Variants in SLC35F3 observed in about 807,000 individuals in gnomAD.
SLC35F3 encodes putative thiamine transporter SLC35F3.
In SLC35F3, 25 loss-of-function variants were observed where a neutral mutation model predicts 49.9. That is an observed-to-expected ratio of 0.50 (90% CI 0.37 to 0.70). The LOEUF (loss-of-function observed/expected upper bound fraction) is 0.70. SLC35F3 is among the 30% of genes least tolerant of loss of function. The probability of loss-of-function intolerance (pLI) is 0.00; values close to 1 mark genes in which losing one functional copy is unlikely to be tolerated. For missense variants in SLC35F3, 525 were observed against 639.8 expected, an observed-to-expected ratio of 0.82 and a Z score of 1.94; for synonymous variants, 275 against 265.4, an observed-to-expected ratio of 1.04 and a Z score of -0.35.
intron 2 of SLC35F3, among the ~76,000 whole-genome samples, chr1:233,916,341 C>T (rs1334382044): frequency 2.0e-5 from 3 of 152,218 alleles, no homozygotes; most frequent in Non-Finnish European, 4.4e-5. Context: ...AATCATCGCT[C>T]ACTGCAGCCT....
intron 2 of SLC35F3, among the ~76,000 whole-genome samples, chr1:233,979,935 G>A (rs1002943310): frequency 2.6e-5 from 4 of 152,190 alleles, no homozygotes; most frequent in African/African-American, 9.7e-5. Context: ...TGAGGCTGAG[G>A]TGGGTTTGGG....
intron 2 of SLC35F3, among the ~76,000 whole-genome samples, chr1:234,224,313 C>T (rs1667255155): frequency 6.6e-6 from 1 of 152,200 alleles, no homozygotes; most frequent in African/African-American, 2.4e-5. Context: ...GCAATCCACC[C>T]ATCTCGGCCT....
intron 2 of SLC35F3, among the ~76,000 whole-genome samples, chr1:234,225,459 G>A (rs1667272301): frequency 2.0e-5 from 3 of 152,144 alleles, no homozygotes; most frequent in Admixed American, 2.0e-4. Context: ...AGGAAAAAGG[G>A]GCAGGAGTTG....
intron 2 of SLC35F3, among the ~76,000 whole-genome samples, chr1:233,918,024 G>GA (rs55695301): frequency 0.93 from 141,549 of 152,258 alleles, 66,643 homozygotes; most frequent in East Asian, 1. Flanking sequence ...AAAATGCAGG[G>GA]AAGTTTGGGT....
At chr1:234,022,947 G>A (rs1663920214) in intron 2 of SLC35F3, among the ~76,000 whole-genome samples, 1 of 152,142 alleles carries the variant, frequency 6.6e-6, no homozygotes, top group Non-Finnish European at 1.5e-5. Flanking sequence ...TATTAGAGGT[G>A]TCAAACAAAT....
At chr1:233,916,823 C>A (rs1373638758) in intron 2 of SLC35F3, among the ~76,000 whole-genome samples, 1 of 152,160 alleles carries the variant, frequency 6.6e-6, no homozygotes, top group Non-Finnish European at 1.5e-5. Context: ...ATGGACGAGG[C>A]CGAGGCTTCA....
At chr1:234,042,142 A>C (rs1664230571) in intron 2 of SLC35F3, among the ~76,000 whole-genome samples, 1 of 152,166 alleles carries the variant, frequency 6.6e-6, no homozygotes, top group South Asian at 2.1e-4. Context: ...CTCTCCAGCA[A>C]ACAGCTGCCA....
In SLC35F3 at chr1:233,950,893, C is replaced by CT. The variant is rs1380443772; in HGVS notation, c.283+45138dup. Reference sequence around the variant, plus strand: ...TCCCTGCAATATCCCCAGTGTCTGACTTTAAGGTTTGACTGAACAAACCTT... The same window carrying CT: ...TCCCTGCAATATCCCCAGTGTCTGACTTTTAAGGTTTGACTGAACAAACCTT... On this transcript the variant is annotated intron_variant, in intron 2 of 7. Coordinates refer to ENST00000366618, the MANE Select transcript of SLC35F3 (RefSeq NM_173508.4). 3.9e-5 allele frequency among the ~76,000 whole-genome samples: 6 copies of CT among 152,144 alleles called. No individual in the cohort carries two copies. The East Asian group carries it at 1.2e-3, about 29-fold the overall frequency.
rs567779797 is a variant in SLC35F3, at chr1:234,052,616, G to GT, written c.283+146865dup. 2.3e-3 allele frequency among the ~76,000 whole-genome samples: 349 copies of GT among 151,976 alleles called. 3 individuals carry two copies. The highest frequency in any genetic ancestry group is 7.9e-3 in the African/African-American group (327 of 41,450). On this transcript the variant is annotated intron_variant, in intron 2 of 7. Coordinates refer to ENST00000366618, the MANE Select transcript of SLC35F3 (RefSeq NM_173508.4). The stretch of plus-strand genomic sequence containing the variant: ...CCTGGATTCATTGATTTTTTTGAAG[G>GT]TTTTTTTGTGTCTCTATTTTCTTCA...
chr1:234,296,558 T>C (rs908624034), intron 3 of SLC35F3, among the ~76,000 whole-genome samples: 1 of 152,246 alleles, frequency 6.6e-6, no homozygotes, highest in East Asian at 1.9e-4. Flanking sequence ...AAATGGAGGC[T>C]GTCAGTCATC....
chr1:234,184,092 T>C (rs1295983306), intron 2 of SLC35F3, among the ~76,000 whole-genome samples: 1 of 152,140 alleles, frequency 6.6e-6, no homozygotes, highest in Non-Finnish European at 1.5e-5. Flanking sequence ...TTAAGGATAT[T>C]GTTCTTTGCT....
chr1:233,986,871 T>C (rs1220724336), intron 2 of SLC35F3, among the ~76,000 whole-genome samples: 9 of 152,230 alleles, frequency 5.9e-5, no homozygotes, highest in Non-Finnish European at 1.2e-4. Context: ...TCCTTCATCA[T>C]CCTCCTGGAA....
At chr1:234,249,045 A>T (rs1572114690) in intron 3 of SLC35F3, among the ~76,000 whole-genome samples, 1 of 152,178 alleles carries the variant, frequency 6.6e-6, no homozygotes, top group South Asian at 2.1e-4. Context: ...CCAGGAAGCA[A>T]CCCACTGGCC....
At chr1:234,004,189 A>G (rs1663595535) in intron 2 of SLC35F3, among the ~76,000 whole-genome samples, 1 of 152,222 alleles carries the variant, frequency 6.6e-6, no homozygotes, top group Non-Finnish European at 1.5e-5. Context: ...AAAATTAGAA[A>G]CAATCTAATG....
At chr1:234,184,994 G>A (rs990109480) in intron 2 of SLC35F3, among the ~76,000 whole-genome samples, 1 of 152,224 alleles carries the variant, frequency 6.6e-6, no homozygotes, top group Admixed American at 6.5e-5. Context: ...GCATTCTATG[G>A]AGAACACCAA....
At chr1:234,028,126 A>C (rs1288021720) in intron 2 of SLC35F3, among the ~76,000 whole-genome samples, 1 of 152,192 alleles carries the variant, frequency 6.6e-6, no homozygotes, top group Non-Finnish European at 1.5e-5. Context: ...ACTGCAAGTT[A>C]GTGTTAGAAG....
At chr1:234,063,900 C>T (rs1268768589) in intron 2 of SLC35F3, among the ~76,000 whole-genome samples, 4 of 152,206 alleles carry the variant, frequency 2.6e-5, no homozygotes, top group African/African-American at 9.7e-5. Context: ...GATCTGAGAC[C>T]TGCCAATGGC....
chr1:233,922,235 T>G (rs1477427631), intron 2 of SLC35F3, among the ~76,000 whole-genome samples: 1 of 152,232 alleles, frequency 6.6e-6, no homozygotes, highest in Non-Finnish European at 1.5e-5. Context: ...CCACAATGGT[T>G]GAACTAGTTT....
At chr1:234,061,336 T>C (rs1312877094) in intron 2 of SLC35F3, among the ~76,000 whole-genome samples, 1 of 152,202 alleles carries the variant, frequency 6.6e-6, no homozygotes, top group East Asian at 1.9e-4. Context: ...GTTAATCTTA[T>C]TGAGATTCTC....
Sources: gnomAD v4.1 joint callset for allele counts (sites outside exome capture counted in the v4.1 genomes callset) on GRCh38, gnomAD v4.1.1 for gene constraint, MANE v1.5 for transcripts, NCBI Gene and HGNC (gene_info 2026-07-23, HGNC 2026-07-21) for gene names.